Variants in INO80 observed in about 807,000 individuals in gnomAD.
INO80 encodes the protein INO80 complex ATPase subunit.
INO80 carries 20 observed loss-of-function variants against 203.4 expected under a neutral mutation model. The ratio of observed to expected loss-of-function variants is 0.10; its 90% confidence interval spans 0.07 to 0.14. The LOEUF is 0.14. INO80 is among the 10% of genes least tolerant of loss of function. The probability of loss-of-function intolerance (pLI) is 1.00; values close to 1 mark genes in which losing one functional copy is unlikely to be tolerated. For missense variants in INO80, 1,419 were observed against 1,914.4 expected (o/e 0.74, Z 4.83); for synonymous variants, 726 against 685.2 (o/e 1.06, Z -0.93).
chr15:41,073,603 C>G, intron 10 of INO80, 108 bp from the exon 11 acceptor site: 2 of 930,390 alleles, frequency 2.1e-6, no homozygotes, highest in Non-Finnish European at 3.5e-6. Context: ...CTACTTATCC[C>G]TGGGTTCACG....
intron 29 of INO80, among the ~76,000 whole-genome samples, chr15:40,990,982 T>C (rs563339580): frequency 2.6e-5 from 4 of 152,310 alleles, no homozygotes; most frequent in African/African-American, 9.6e-5. Flanking sequence ...CTTGAGGCTA[T>C]GGTTCAGCAC....
chr15:41,060,191 A>G (rs183988251), intron 14 of INO80, among the ~76,000 whole-genome samples: 23 of 152,342 alleles, frequency 1.5e-4, no homozygotes, highest in African/African-American at 4.6e-4. Flanking sequence ...ACGGAAGCCC[A>G]GAGAGGTAAG....
At chr15:41,042,465 T>C (rs974112044) in intron 24 of INO80, among the ~76,000 whole-genome samples, 1 of 151,814 alleles carries the variant, frequency 6.6e-6, no homozygotes, top group African/African-American at 2.4e-5. Context: ...AAAGCAGAGA[T>C]CTTTTAAAAC....
chr15:41,049,316 C>T lies in INO80; in HGVS notation c.2547G>A (p.Gln849=), dbSNP rs760503965. Residue 849 remains glutamine, a synonymous_variant, in exon 21 of 36, where the codon CAG becomes CAA. Coordinates refer to ENST00000648947, the MANE Select transcript of INO80 (RefSeq NM_017553.3). ...CTCGTGAATGATTGAAGACCCTGATCTGTCCATGACGGTAGATAAACTTTG... is the reference window on the plus strand; with the variant it reads ...CTCGTGAATGATTGAAGACCCTGATTTGTCCATGACGGTAGATAAACTTTG... The part of the protein sequence containing the change: ...HISKFIYRHG[Q]IRVFNHSRDR... 7.4e-6 allele frequency: 12 copies of T among 1,613,300 alleles called. No homozygotes were observed. The highest frequency in any genetic ancestry group is 1.0e-5 in the Non-Finnish European group (12 of 1,179,446).
chr15:41,099,265 AAACAAAC>A (rs1319847718), intron 1 of INO80, among the ~76,000 whole-genome samples: 3 of 126,784 alleles, frequency 2.4e-5, no homozygotes, highest in African/African-American at 9.1e-5. Context: ...AAAAAAAAAA[AAACAAAC>A]ACACACACAC....
chr15:41,020,665 C>G, intron 26 of INO80, among the ~76,000 whole-genome samples: 1 of 149,166 alleles, frequency 6.7e-6, no homozygotes, highest in East Asian at 2.0e-4. Context: ...AGTGGCATTT[C>G]TTTCTCAGCT....
chr15:41,087,165 C>A (rs1017951193), intron 6 of INO80, among the ~76,000 whole-genome samples: 1 of 151,342 alleles, frequency 6.6e-6, no homozygotes, highest in African/African-American at 2.4e-5. Flanking sequence ...AGCAGCTGTA[C>A]TGAATATGTA....
intron 1 of INO80, among the ~76,000 whole-genome samples, chr15:41,096,768 C>A (rs1444057615): frequency 1.3e-5 from 2 of 152,210 alleles, no homozygotes; most frequent in African/African-American, 4.8e-5. Context: ...TCGTTCTCAG[C>A]ATCACCTTCA....
At chr15:41,077,105 C>T (rs1326166820) in intron 9 of INO80, among the ~76,000 whole-genome samples, 1 of 151,936 alleles carries the variant, frequency 6.6e-6, no homozygotes, top group Admixed American at 6.6e-5. Context: ...GACGGGGTTT[C>T]ACCGTGTTAG....
At chr15:40,997,857 TA>T (rs2140427662) in intron 28 of INO80, 1 of 377,324 alleles carries the variant, frequency 2.7e-6, no homozygotes, top group African/African-American at 2.0e-5. Flanking sequence ...GCAACACAAG[TA>T]TAAACATGTA....
chr15:41,058,624 T>C lies in INO80; in HGVS notation c.1985+15A>G. ...AACCCAATGCATTGAGTTTGGTTTC[T>C]ACTACTCATGTTACCTGGAACTACT... is the stretch of plus-strand genomic sequence containing the variant. On this transcript the variant is annotated intron_variant, in intron 16 of 35. Coordinates refer to ENST00000648947, the MANE Select transcript of INO80 (RefSeq NM_017553.3). The C allele has an allele frequency of 1.9e-6, 3 of 1,611,152 alleles. No homozygotes were observed. Among genetic ancestry groups the C allele is most frequent in the Non-Finnish European group, 2.5e-6 (3 of 1,178,320 alleles).
chr15:41,046,206 CATATATAT>C (rs1160486459), intron 23 of INO80, among the ~76,000 whole-genome samples: 23 of 14,418 alleles, frequency 1.6e-3, no homozygotes, highest in African/African-American at 3.9e-3. Context: ...CGTATACATA[CATATATAT>C]ATATATATAT....
At chr15:41,014,871 G>A (rs1246452241) in intron 27 of INO80, among the ~76,000 whole-genome samples, 1 of 152,076 alleles carries the variant, frequency 6.6e-6, no homozygotes, top group Non-Finnish European at 1.5e-5. Context: ...GGTCCCTATT[G>A]CTTTATTCCT....
chr15:41,043,898 T>C (rs1302232254), intron 24 of INO80, among the ~76,000 whole-genome samples: 2 of 152,212 alleles, frequency 1.3e-5, no homozygotes, highest in African/African-American at 2.4e-5. Context: ...AAGAATTATA[T>C]GAAACTGTAC....
chr15:41,069,777 A>G lies in INO80; in HGVS notation c.1687-112T>C, dbSNP rs1466876280. The G allele has an allele frequency of 4.7e-6, 3 of 634,448 alleles. No individual in the cohort carries two copies. In the African/African-American group the frequency reaches 5.6e-5, roughly 12 times the overall value. 39.3% of individuals were successfully genotyped at this position (634,448 alleles called of 1,614,324 possible). A position where few individuals can be genotyped will look rare whatever the true frequency, so the allele number is the denominator to read the frequency against. On this transcript the variant is annotated intron_variant, in intron 13 of 35. Coordinates refer to ENST00000648947, the MANE Select transcript of INO80 (RefSeq NM_017553.3). ...GAATAGGAAACAAATAACAAGAGAA[A>G]CAGTGAGTAAATCCCAAATCTGCAC...
At chr15:41,064,317 G>T (rs1342941748) in intron 14 of INO80, among the ~76,000 whole-genome samples, 1 of 152,112 alleles carries the variant, frequency 6.6e-6, no homozygotes, top group Non-Finnish European at 1.5e-5. Flanking sequence ...TGAATTTAAG[G>T]TATCAATTAA....
At chr15:41,085,755 A>G (rs936447995) in intron 6 of INO80, among the ~76,000 whole-genome samples, 172 bp from the exon 7 acceptor site, 1 of 152,210 alleles carries the variant, frequency 6.6e-6, no homozygotes, top group African/African-American at 2.4e-5. Flanking sequence ...AGTAACAGAG[A>G]AGAAGAAACA....
At position 41,087,597 on chromosome 15, in the gene INO80, T is replaced by C. The variant is rs774482820; in HGVS notation, c.623A>G (p.Lys208Arg). ...CTTTTCCTCCTTAAATTTCTTTTTC[T>C]TGGGTCCAAGTAGGTGCCGTTGTTG... The part of the protein sequence containing the change: ...YEQQRHLLGP[K>R]KKKFKEEKKL... The change falls in exon 6 of 36, where the codon AAG becomes AGG. Residue 208 changes from lysine to arginine, a missense_variant. Lys to Arg is a conservative substitution (Grantham distance 26). This residue lies in a region of INO80 where 323 missense variants were observed against 325.4 expected (regional missense o/e 0.99). Coordinates refer to ENST00000648947, the MANE Select transcript of INO80 (RefSeq NM_017553.3). The C allele has an allele frequency of 6.1e-5, 98 of 1,613,908 alleles. No individual in the cohort carries two copies. The East Asian group carries it at 2.2e-3, about 36-fold the overall frequency.
At chr15:40,989,325 CAACA>C (rs1473298522) in intron 29 of INO80, among the ~76,000 whole-genome samples, 2 of 152,294 alleles carry the variant, frequency 1.3e-5, no homozygotes, top group African/African-American at 2.4e-5. Context: ...GTTTGCTGAG[CAACA>C]AACAAATTAA....
Sources: allele counts gnomAD v4.1 joint callset (sites outside exome capture counted in the v4.1 genomes callset), GRCh38; gene constraint gnomAD v4.1.1; regional missense constraint gnomAD v4.1.1; transcripts MANE v1.5; gene names NCBI Gene and HGNC (gene_info 2026-07-23, HGNC 2026-07-21).